The following MAGI1 variants were observed in gnomAD, a reference collection of about 807,000 sequenced individuals.
The protein encoded by MAGI1 is membrane-associated guanylate kinase, WW and PDZ domain-containing protein 1.
MAGI1 carries 58 observed loss-of-function variants against 139.9 expected under a neutral mutation model. The observed-to-expected ratio is 0.41, with a 90% CI of 0.34 to 0.52. The LOEUF (loss-of-function observed/expected upper bound fraction) is 0.52. Among genes scored for constraint, MAGI1 ranks in the 20% least tolerant of loss-of-function variants. The pLI, the probability that MAGI1 is intolerant of heterozygous loss-of-function variation, is 0.12. For synonymous variants in MAGI1, 812 were observed against 737.9 expected (o/e 1.10, Z -1.63); for missense variants, 1,874 against 1,901.6 (o/e 0.99, Z 0.27).
intron 12 of MAGI1, among the ~76,000 whole-genome samples, chr3:65,419,289 ATGTG>A (rs57720812): frequency 6.6e-6 from 1 of 150,868 alleles, no homozygotes; most frequent in East Asian, 2.0e-4. Context: ...ATTTTATGAA[ATGTG>A]TGTGTGTGTG....
chr3:65,579,405 C>G (rs1304141811), intron 2 of MAGI1, among the ~76,000 whole-genome samples: 3 of 152,112 alleles, frequency 2.0e-5, no homozygotes, highest in Non-Finnish European at 4.4e-5. Flanking sequence ...AAGTGATTAC[C>G]CATGCCCTAT....
chr3:65,886,487 A>C (rs573552656), intron 1 of MAGI1, among the ~76,000 whole-genome samples: 25 of 152,292 alleles, frequency 1.6e-4, no homozygotes, highest in African/African-American at 6.0e-4. Context: ...AGTTGAGCAT[A>C]TGGCTGCCCT....
chr3:65,926,582 C>A (rs2062533255), intron 1 of MAGI1, among the ~76,000 whole-genome samples: 1 of 152,128 alleles, frequency 6.6e-6, no homozygotes, highest in Non-Finnish European at 1.5e-5. Context: ...AAGAAGCCAG[C>A]CAAAACCTAC....
intron 1 of MAGI1, among the ~76,000 whole-genome samples, chr3:65,884,861 G>A (rs1410470615): frequency 6.6e-5 from 10 of 152,174 alleles, no homozygotes; most frequent in Non-Finnish European, 7.3e-5. Flanking sequence ...AAGGATTGGA[G>A]AGAGTATAAG....
chr3:65,453,186 C>T lies in MAGI1; in HGVS notation c.1042+72G>A, dbSNP rs193264448. The T allele has an allele frequency of 1.2e-4, 162 of 1,342,546 alleles. 1 individual carries two copies. Among genetic ancestry groups the T allele is most frequent in the African/African-American group, 8.9e-4 (62 of 69,474 alleles). The allele number at this position is 1,342,546 out of a possible 1,614,324, so 83.2% of individuals were successfully genotyped here. A position where few individuals can be genotyped will look rare whatever the true frequency, so the allele number is the denominator to read the frequency against. On this transcript the variant is annotated intron_variant, in intron 6 of 22. Coordinates refer to ENST00000402939, the MANE Select transcript of MAGI1 (RefSeq NM_001033057.2). Reference sequence around the variant, plus strand: ...ACATAAGACCCGACTGACCTGGCTACGACTCTTTAAAATTTGCACATGTGA... The same window carrying T: ...ACATAAGACCCGACTGACCTGGCTATGACTCTTTAAAATTTGCACATGTGA...
intron 1 of MAGI1, among the ~76,000 whole-genome samples, chr3:65,918,195 A>C (rs2061999380): frequency 6.6e-6 from 1 of 152,226 alleles, no homozygotes; most frequent in Middle Eastern, 3.2e-3. Context: ...GGTCAGAATC[A>C]GTAAACATGA....
chr3:65,440,021 G>C lies in MAGI1; in HGVS notation c.1137-9C>G. The C allele has an allele frequency of 6.2e-7, 1 of 1,613,946 alleles. No individual in the cohort carries two copies. Among genetic ancestry groups the C allele is most frequent in the South Asian group, 1.1e-5 (1 of 91,086 alleles). On this transcript the variant is annotated splice_polypyrimidine_tract_variant and intron_variant, in intron 8 of 22. Transcript: ENST00000402939. ...TCTTCCTGTTGATGTGGCTGGGGAA[G>C]ATAGCAAATAGTATTCAGCTTGAAA...
At chr3:65,419,221 T>TACACACACACAC (rs71102854) in intron 12 of MAGI1, among the ~76,000 whole-genome samples, 37 of 86,274 alleles carry the variant, frequency 4.3e-4, no homozygotes, top group African/African-American at 2.2e-3. Flanking sequence ...AACACATTCA[T>TACACACACACAC]ACACACACAC....
chr3:65,473,343 A>G (rs1158667458), intron 4 of MAGI1, among the ~76,000 whole-genome samples: 1 of 152,182 alleles, frequency 6.6e-6, no homozygotes, highest in African/African-American at 2.4e-5. Flanking sequence ...TAAAATGGGC[A>G]TAATGTACAT....
At chr3:66,033,403 C>A (rs2068747701) in intron 1 of MAGI1, among the ~76,000 whole-genome samples, 1 of 152,128 alleles carries the variant, frequency 6.6e-6, no homozygotes, top group African/African-American at 2.4e-5. Context: ...CTTCCCAACT[C>A]CAGCTATGCT....
intron 5 of MAGI1, chr3:65,469,963 T>C (rs1194876253): frequency 6.8e-6 from 1 of 148,014 alleles, no homozygotes; most frequent in Non-Finnish European, 1.5e-5. Flanking sequence ...TATTAAAATA[T>C]TTAAATATAT....
chr3:65,961,197 G>A (rs2064408236), intron 1 of MAGI1, among the ~76,000 whole-genome samples: 2 of 152,180 alleles, frequency 1.3e-5, no homozygotes, highest in East Asian at 1.9e-4. Flanking sequence ...TTACTGCAAT[G>A]CATTAAAGGT....
intron 3 of MAGI1, among the ~76,000 whole-genome samples, chr3:65,481,564 A>T (rs1355499491): frequency 6.6e-6 from 1 of 152,248 alleles, no homozygotes; most frequent in Non-Finnish European, 1.5e-5. Context: ...TTTTCAAGTT[A>T]GATGTTAAAT....
chr3:65,678,027 A>C (rs1313519697), intron 1 of MAGI1, among the ~76,000 whole-genome samples: 1 of 152,242 alleles, frequency 6.6e-6, no homozygotes, highest in Non-Finnish European at 1.5e-5. Context: ...TTGCAGGGAC[A>C]TGGATGAAGC....
chr3:65,545,142 G>A (rs150060326), intron 2 of MAGI1, among the ~76,000 whole-genome samples: 100 of 152,154 alleles, frequency 6.6e-4, no homozygotes, highest in Non-Finnish European at 1.1e-3. Context: ...CTTAAAATAC[G>A]CATCCCCTCA....
chr3:65,425,491 C>T (rs1224715020), intron 12 of MAGI1, among the ~76,000 whole-genome samples: 1 of 152,032 alleles, frequency 6.6e-6, no homozygotes, highest in Non-Finnish European at 1.5e-5. Flanking sequence ...GAATGGAGTG[C>T]CTGAAAGATT....
At chr3:65,401,891 G>T (rs1051230328) in intron 12 of MAGI1, 9 of 985,136 alleles carry the variant, frequency 9.1e-6, no homozygotes, top group African/African-American at 1.7e-5. Flanking sequence ...AGAGGAAAGG[G>T]TATATATTTA....
At chr3:65,655,316 A>AAGC (rs1265562065) in intron 1 of MAGI1, among the ~76,000 whole-genome samples, 1 of 152,184 alleles carries the variant, frequency 6.6e-6, no homozygotes, top group Non-Finnish European at 1.5e-5. Flanking sequence ...AAAACACATA[A>AAGC]AGCAATGCAC....
At chr3:66,002,904 T>C (rs565672411) in intron 1 of MAGI1, among the ~76,000 whole-genome samples, 236 of 152,276 alleles carry the variant, frequency 1.5e-3, no homozygotes, top group African/African-American at 5.5e-3. Flanking sequence ...GTAAGGGCCA[T>C]TTGTCCAGAC....
Sources: allele counts gnomAD v4.1 joint callset (sites outside exome capture counted in the v4.1 genomes callset), GRCh38; gene constraint gnomAD v4.1.1; transcripts MANE v1.5; gene names NCBI Gene and HGNC (gene_info 2026-07-23, HGNC 2026-07-21).